DCAF8L2: variants seen among roughly 807,000 people sequenced by gnomAD.
DCAF8L2 encodes the protein DDB1 and CUL4 associated factor 8 like 2, also known as DDB1- and CUL4-associated factor 8-like protein 2.
For synonymous variants in DCAF8L2, 200 were observed against 190.9 expected, an observed-to-expected ratio of 1.05 and a Z score of -0.39; for missense variants, 430 against 490.7, an observed-to-expected ratio of 0.88 and a Z score of 1.17.
At chrX:27,698,201 G>A (rs1930999305) in intron 3 of DCAF8L2, among the ~76,000 whole-genome samples, 1 of 110,785 alleles carries the variant, frequency 9.0e-6, no homozygotes, top group African/African-American at 3.3e-5. Context: ...TTAATATTGA[G>A]GCATGAAATG....
intron 4 of DCAF8L2, among the ~76,000 whole-genome samples, chrX:27,725,424 T>A (rs1932038096): frequency 9.0e-6 from 1 of 111,077 alleles, no homozygotes; most frequent in South Asian, 3.7e-4. Flanking sequence ...TAATAATAGC[T>A]AGAATTGGAG....
intron 2 of DCAF8L2, among the ~76,000 whole-genome samples, chrX:27,644,457 T>G (rs1485663922): frequency 9.0e-6 from 1 of 111,273 alleles, no homozygotes; most frequent in Non-Finnish European, 1.9e-5. Context: ...AGACCCTCAG[T>G]AATATAGGTC....
chrX:27,535,238 A>C, the DCAF8L2 span, among the ~76,000 whole-genome samples: 1 of 111,878 alleles, frequency 8.9e-6, no homozygotes, highest in African/African-American at 3.2e-5. Context: ...CTTGCTTTCT[A>C]TTGGAAAAAG....
chrX:27,557,739 G>A, the DCAF8L2 span, among the ~76,000 whole-genome samples: 1 of 111,644 alleles, frequency 9.0e-6, no homozygotes, highest in Non-Finnish European at 1.9e-5. Context: ...TGTAGCTGAG[G>A]GCAACCCTGT....
intron 2 of DCAF8L2, among the ~76,000 whole-genome samples, chrX:27,646,783 A>G (rs111762122): frequency 0.022 from 2,472 of 111,783 alleles, 16 homozygotes; most frequent in Middle Eastern, 0.042. Context: ...AAAAAGACAT[A>G]CATGCGGCCA....
chrX:27,490,095 T>G, the DCAF8L2 span, among the ~76,000 whole-genome samples: 63 of 111,612 alleles, frequency 5.6e-4, no homozygotes, highest in Admixed American at 9.5e-4. Flanking sequence ...CAGGCTGGTC[T>G]GAAACTCCTG....
At chrX:27,589,868 A>G (rs745459372), upstream of DCAF8L2, among the ~76,000 whole-genome samples, 1 of 112,100 alleles carries the variant, frequency 8.9e-6, no homozygotes, top group South Asian at 3.7e-4. Context: ...CAAACTAAGC[A>G]AAGTTGCTCC....
chrX:27,619,553 A>G (rs935520145), intron 1 of DCAF8L2, among the ~76,000 whole-genome samples: 33 of 111,772 alleles, frequency 3.0e-4, no homozygotes, highest in African/African-American at 1.0e-3. Context: ...CTCCAGCACA[A>G]GTTGGCACAG....
the DCAF8L2 span, among the ~76,000 whole-genome samples, chrX:27,477,504 G>T: frequency 1.7e-4 from 19 of 111,269 alleles, no homozygotes; most frequent in African/African-American, 6.2e-4. Context: ...AGCCAGGATG[G>T]TCTCGATCTC....
At chrX:27,587,227 C>A (rs1003543977), upstream of DCAF8L2, among the ~76,000 whole-genome samples, 4 of 111,535 alleles carry the variant, frequency 3.6e-5, no homozygotes, top group African/African-American at 1.3e-4. Flanking sequence ...GTAGTACATA[C>A]TTGCAAAATC....
chrX:27,669,666 T>A (rs894546837), intron 2 of DCAF8L2, among the ~76,000 whole-genome samples: 12 of 107,376 alleles, frequency 1.1e-4, no homozygotes, highest in African/African-American at 4.1e-4. Context: ...ATGTTCCCCT[T>A]CCTGTGTCCA....
chrX:27,606,301 T>TATAG (rs1377490408), intron 1 of DCAF8L2, among the ~76,000 whole-genome samples: 1 of 78,823 alleles, frequency 1.3e-5, no homozygotes, highest in Non-Finnish European at 2.3e-5. Flanking sequence ...TATATATATA[T>TATAG]GAATTATATA....
chrX:27,717,044 C>G (rs2086606160), intron 4 of DCAF8L2, among the ~76,000 whole-genome samples: 1 of 112,037 alleles, frequency 8.9e-6, no homozygotes, highest in African/African-American at 3.2e-5. Context: ...TCATCCATGT[C>G]CCTGCAAAGG....
At chrX:27,646,391 T>TA (rs201961360) in intron 2 of DCAF8L2, among the ~76,000 whole-genome samples, 25,521 of 111,095 alleles carry the variant, frequency 0.23, 2,637 homozygotes, top group Middle Eastern at 0.32. Context: ...ATGCCTTCTT[T>TA]ACACTTTATG....
intron 1 of DCAF8L2, among the ~76,000 whole-genome samples, chrX:27,627,856 T>C (rs970895812): frequency 4.6e-5 from 5 of 107,799 alleles, no homozygotes. Context: ...ATCGTGCCAC[T>C]GCACTCTAGT....
At chrX:27,475,507 T>C in the DCAF8L2 span, among the ~76,000 whole-genome samples, 3,839 of 111,639 alleles carry the variant, frequency 0.034, 157 homozygotes, top group African/African-American at 0.12. Flanking sequence ...AGCAATCATA[T>C]TGGGCTTGTA....
chrX:27,648,838 C>G (rs1363116446), intron 2 of DCAF8L2, among the ~76,000 whole-genome samples: 1 of 111,095 alleles, frequency 9.0e-6, no homozygotes, highest in African/African-American at 3.3e-5. Context: ...ACTTTCAAAT[C>G]AAATGATTTT....
the DCAF8L2 span, among the ~76,000 whole-genome samples, chrX:27,527,349 G>A: frequency 8.9e-6 from 1 of 112,378 alleles, no homozygotes; most frequent in Admixed American, 9.4e-5. Context: ...ATCTCCTGGT[G>A]TGCTGTTTGC....
the DCAF8L2 span, among the ~76,000 whole-genome samples, chrX:27,480,407 A>G: frequency 1.8e-5 from 2 of 112,258 alleles, no homozygotes; most frequent in South Asian, 7.4e-4. Context: ...CCTGCAAACA[A>G]CATCATGCAT....
Sources: gnomAD v4.1 joint callset for allele counts (sites outside exome capture counted in the v4.1 genomes callset) on GRCh38, gnomAD v4.1.1 for gene constraint, MANE v1.5 for transcripts, NCBI Gene and HGNC (gene_info 2026-07-23, HGNC 2026-07-21) for gene names.